The following TSNARE1 variants were observed in gnomAD, a reference collection of about 807,000 sequenced individuals.
The protein encoded by TSNARE1 is t-SNARE domain-containing protein 1.
Under a neutral mutation model 62.0 loss-of-function variants are expected in TSNARE1, and 49 were observed. The ratio of observed to expected loss-of-function variants is 0.79; its 90% CI spans 0.63 to 1.00. TSNARE1 has a LOEUF of 1.00. TSNARE1 is among the 50% of genes least tolerant of loss of function. TSNARE1 has a pLI of 0.00. For synonymous variants in TSNARE1, 328 were observed against 294.4 expected, an observed-to-expected ratio of 1.11 and a Z score of -1.17; for missense variants, 755 against 700.1, an observed-to-expected ratio of 1.08 and a Z score of -0.88.
chr8:142,245,926 G>A (rs1817866116), intron 12 of TSNARE1, among the ~76,000 whole-genome samples: 1 of 152,182 alleles, frequency 6.6e-6, no homozygotes, highest in South Asian at 2.1e-4. Flanking sequence ...ACAATACTGA[G>A]ACAAGCTAGG....
chr8:142,294,390 A>G lies in TSNARE1; in HGVS notation c.1290+6096T>C, dbSNP rs539210584. Among the ~76,000 whole-genome samples the G allele has an allele frequency of 8.3e-4, 127 of 152,316 alleles. 1 individual carries two copies. Among genetic ancestry groups the G allele is most frequent in the African/African-American group, 3.0e-3 (123 of 41,578 alleles). On this transcript the variant is annotated intron_variant, in intron 10 of 13. Transcript: ENST00000524325. ...CACAGCATCACTCGGACTAGTTTGC[A>G]AAGCACTTTGCAGTCACTATCTCAA...
rs1408151270 is a variant in TSNARE1 at position 142,344,457 on chromosome 8, G to C, written c.254C>G (p.Pro85Arg). The C allele has an allele frequency of 3.2e-6, 5 of 1,569,174 alleles. No individual in the cohort carries two copies. Among genetic ancestry groups the C allele is most frequent in the South Asian group, 2.4e-5 (2 of 84,814 alleles). The change falls in exon 4 of 14, where the codon CCT becomes CGT. Residue 85 changes from proline to arginine, a missense_variant. Pro to Arg is a moderately radical substitution (Grantham distance 103). Transcript: ENST00000524325. ...GGGCTCCGGCATCCGGCTGCCTTCA[G>C]GGGCAACCCCAGGCCCTGGAAAGGC... The part of the protein sequence containing the change: ...RARKRGPGVA[P>R]EGSRMPEPTS...
chr8:142,392,750 G>C lies in TSNARE1; in HGVS notation c.-40+10354C>G, dbSNP rs183157020. On this transcript the variant is annotated intron_variant, in intron 1 of 13. Transcript: ENST00000524325. ...GGGAGTTTGAGTTTGAGACCACGCG[G>C]GCCAACATGGCGAAACCCCGTCTCT... 3.6e-3 allele frequency among the ~76,000 whole-genome samples: 547 copies of C among 152,212 alleles called. 3 individuals carry two copies. Among genetic ancestry groups the C allele is most frequent in the African/African-American group, 0.012 (511 of 41,536 alleles).
chr8:142,268,685 G>A (rs1470282272), intron 12 of TSNARE1, among the ~76,000 whole-genome samples: 1 of 152,208 alleles, frequency 6.6e-6, no homozygotes, highest in East Asian at 1.9e-4. Flanking sequence ...CCAGTCAGTG[G>A]GCTGAGATGC....
chr8:142,310,794 T>G (rs1044532771), intron 9 of TSNARE1, among the ~76,000 whole-genome samples: 5 of 152,224 alleles, frequency 3.3e-5, no homozygotes, highest in Admixed American at 3.3e-4. Flanking sequence ...TAAGATTTTA[T>G]TTTTGCCTTT....
At chr8:142,406,508 G>T (rs921113038), upstream of TSNARE1, 1 of 152,214 alleles carries the variant, frequency 6.6e-6, no homozygotes, top group Non-Finnish European at 1.5e-5. Flanking sequence ...GGGCGCGGGA[G>T]CCACACTCTC....
intron 10 of TSNARE1, among the ~76,000 whole-genome samples, chr8:142,287,275 G>A (rs1470920591): frequency 2.3e-5 from 3 of 131,682 alleles, no homozygotes; most frequent in African/African-American, 5.7e-5. Flanking sequence ...ACAGTGGGCC[G>A]CCCTCCAGGA....
At chr8:142,225,039 G>A (rs1198097374) in intron 13 of TSNARE1, among the ~76,000 whole-genome samples, 1 of 152,060 alleles carries the variant, frequency 6.6e-6, no homozygotes, top group Non-Finnish European at 1.5e-5. Flanking sequence ...AGGCCTGTTC[G>A]CCTCCCTTCA....
intron 12 of TSNARE1, among the ~76,000 whole-genome samples, chr8:142,244,884 G>A (rs1409123685): frequency 6.6e-6 from 1 of 152,262 alleles, no homozygotes; most frequent in Non-Finnish European, 1.5e-5. Context: ...GGAAGGCATC[G>A]GCCAGAGAGG....
chr8:142,259,616 TAA>T (rs1818755255), intron 12 of TSNARE1, among the ~76,000 whole-genome samples: 2 of 152,164 alleles, frequency 1.3e-5, no homozygotes, highest in South Asian at 4.1e-4. Context: ...GCTGTTTATT[TAA>T]CCTGCTTGGC....
chr8:142,389,844 T>C (rs1177441369), intron 1 of TSNARE1, among the ~76,000 whole-genome samples: 3 of 152,224 alleles, frequency 2.0e-5, no homozygotes, highest in Non-Finnish European at 4.4e-5. Flanking sequence ...TGCTTAACCA[T>C]AGGGATACAA....
At chr8:142,214,977 C>T (rs375360723) in intron 13 of TSNARE1, among the ~76,000 whole-genome samples, 39 of 152,314 alleles carry the variant, frequency 2.6e-4, no homozygotes, top group African/African-American at 8.7e-4. Flanking sequence ...CCGACAAGGG[C>T]TCCCTCCCCC....
chr8:142,368,623 C>T lies in TSNARE1; in HGVS notation c.-39-13860G>A, dbSNP rs541792909. ...CAGGCAGACAAGAAGAATGAAGCCA[C>T]CTGGGCGGCCACATCCACTCACAAG... On this transcript the variant is annotated intron_variant, in intron 1 of 13. Transcript: ENST00000524325. 2.3e-4 allele frequency among the ~76,000 whole-genome samples: 35 copies of T among 152,282 alleles called. 1 individual carries two copies. The South Asian group carries it at 6.0e-3, about 26-fold the overall frequency.
intron 9 of TSNARE1, among the ~76,000 whole-genome samples, chr8:142,311,354 A>G (rs1199086407): frequency 7.3e-6 from 1 of 136,078 alleles, no homozygotes; most frequent in Non-Finnish European, 1.5e-5. Context: ...CTGGAGTGCA[A>G]TGGCACAATC....
chr8:142,352,941 G>A (rs907269666), intron 2 of TSNARE1, among the ~76,000 whole-genome samples: 4 of 152,164 alleles, frequency 2.6e-5, no homozygotes, highest in Admixed American at 6.5e-5. Flanking sequence ...GTACAATCCT[G>A]TGTCTACTCA....
chr8:142,260,212 G>A (rs915914713), intron 12 of TSNARE1, among the ~76,000 whole-genome samples: 2 of 152,144 alleles, frequency 1.3e-5, no homozygotes, highest in East Asian at 3.9e-4. Context: ...CCTGGGGCAG[G>A]CCCCTAATTT....
chr8:142,372,763 T>C (rs1324449509), intron 1 of TSNARE1, among the ~76,000 whole-genome samples: 1 of 152,060 alleles, frequency 6.6e-6, no homozygotes, highest in Non-Finnish European at 1.5e-5. Context: ...CCTTCCCTGC[T>C]GTGCCTCTCC....
intron 10 of TSNARE1, among the ~76,000 whole-genome samples, chr8:142,293,511 C>T (rs374346197): frequency 1.3e-5 from 2 of 152,202 alleles, no homozygotes; most frequent in East Asian, 1.9e-4. Context: ...ATAAGTAAAC[C>T]GAGGCTCCAG....
At chr8:142,376,560 C>G (rs576852248) in intron 1 of TSNARE1, among the ~76,000 whole-genome samples, 23 of 152,190 alleles carry the variant, frequency 1.5e-4, no homozygotes, top group Non-Finnish European at 2.8e-4. Flanking sequence ...CCAGAACCAC[C>G]CCTGCTGGCA....
Sources: allele counts gnomAD v4.1 joint callset (sites outside exome capture counted in the v4.1 genomes callset), GRCh38; gene constraint gnomAD v4.1.1; transcripts MANE v1.5; gene names NCBI Gene and HGNC (gene_info 2026-07-23, HGNC 2026-07-21).